GALNT17: variants seen among roughly 807,000 people sequenced by gnomAD.
The protein encoded by GALNT17 is polypeptide N-acetylgalactosaminyltransferase 17, also known as UDP-GalNAc:polypeptide N-acetylgalactosaminyltransferase-like 3.
GALNT17 carries 29 observed loss-of-function variants against 63.7 expected under a neutral mutation model. The observed-to-expected ratio is 0.46, with a 90% CI of 0.34 to 0.62. The LOEUF (loss-of-function observed/expected upper bound fraction) is 0.62. GALNT17 is among the 20% of genes least tolerant of loss of function. The pLI, the probability that GALNT17 is intolerant of heterozygous loss-of-function variation, is 0.01. For synonymous variants in GALNT17, 305 were observed against 318.3 expected, an observed-to-expected ratio of 0.96 and a Z score of 0.45; for missense variants, 603 against 799.6, an observed-to-expected ratio of 0.75 and a Z score of 2.97.
intron 6 of GALNT17, among the ~76,000 whole-genome samples, chr7:71,652,672 T>C (rs982105304): frequency 2.6e-5 from 4 of 152,236 alleles, no homozygotes; most frequent in African/African-American, 9.6e-5. Flanking sequence ...TTACGTAATT[T>C]ATGCGTTAAA....
intron 1 of GALNT17, among the ~76,000 whole-genome samples, chr7:71,168,522 A>T (rs1391064958): frequency 6.6e-6 from 1 of 152,144 alleles, no homozygotes; most frequent in Non-Finnish European, 1.5e-5. Context: ...CAGTGAACCG[A>T]GATCGCACCA....
chr7:71,527,811 C>T (rs963508184), intron 5 of GALNT17, among the ~76,000 whole-genome samples: 2 of 152,170 alleles, frequency 1.3e-5, no homozygotes, highest in Non-Finnish European at 1.5e-5. Context: ...CGCATATACA[C>T]ACCATACACA....
intron 1 of GALNT17, among the ~76,000 whole-genome samples, chr7:71,262,678 TC>T (rs561699941): frequency 6.8e-6 from 1 of 147,658 alleles, no homozygotes; most frequent in Non-Finnish European, 1.5e-5. Context: ...TTTTTTACTT[TC>T]TTTTTTTTTT....
At chr7:71,384,057 A>G (rs1160511756) in intron 2 of GALNT17, among the ~76,000 whole-genome samples, 1 of 152,138 alleles carries the variant, frequency 6.6e-6, no homozygotes, top group Non-Finnish European at 1.5e-5. Flanking sequence ...TTCCATCAAC[A>G]GTGCACAAGG....
intron 5 of GALNT17, among the ~76,000 whole-genome samples, chr7:71,499,560 G>A (rs932385789): frequency 6.6e-6 from 1 of 152,168 alleles, no homozygotes; most frequent in African/African-American, 2.4e-5. Context: ...TTTCATTAAT[G>A]ATACGATTGT....
chr7:71,464,432 T>C (rs1787502875), intron 5 of GALNT17, among the ~76,000 whole-genome samples: 1 of 152,080 alleles, frequency 6.6e-6, no homozygotes, highest in African/African-American at 2.4e-5. Context: ...AAGAACACGC[T>C]CCTGGTCCCC....
chr7:71,133,182 C>T, intron 1 of GALNT17, 142 bp downstream of exon 1: 4 of 698,018 alleles, frequency 5.7e-6, no homozygotes, highest in South Asian at 2.2e-5. Context: ...CCCTTCCTGC[C>T]CCGTTTCGGG....
intron 5 of GALNT17, among the ~76,000 whole-genome samples, chr7:71,447,785 G>T (rs112506026): frequency 2.0e-5 from 3 of 151,822 alleles, no homozygotes; most frequent in Admixed American, 6.6e-5. Context: ...TCTATATACT[G>T]TTAACTAATT....
chr7:71,187,321 T>C (rs1788869789), intron 1 of GALNT17, among the ~76,000 whole-genome samples: 1 of 150,090 alleles, frequency 6.7e-6, no homozygotes, highest in Non-Finnish European at 1.5e-5. Context: ...GGCGTATTGC[T>C]GTGTTGCCCA....
At chr7:71,376,422 GTTGT>G (rs1563046482) in intron 2 of GALNT17, among the ~76,000 whole-genome samples, 3 of 63,582 alleles carry the variant, frequency 4.7e-5, no homozygotes, top group Non-Finnish European at 8.7e-5. Context: ...AAGGTTTGGA[GTTGT>G]TTTTTTTTTT....
chr7:71,696,225 G>T (rs925086799), intron 9 of GALNT17, among the ~76,000 whole-genome samples: 1 of 152,088 alleles, frequency 6.6e-6, no homozygotes, highest in African/African-American at 2.4e-5. Context: ...TGATCCTCCT[G>T]CCTCAGCCTC....
At chr7:71,564,278 CTTTT>C (rs10539122) in intron 5 of GALNT17, among the ~76,000 whole-genome samples, 1 of 98,012 alleles carries the variant, frequency 1.0e-5, no homozygotes, top group African/African-American at 3.9e-5. Flanking sequence ...CTTTTCTTTT[CTTTT>C]TTTTTTTTTT....
At chr7:71,637,315 A>G (rs1422205329) in intron 6 of GALNT17, among the ~76,000 whole-genome samples, 1 of 152,058 alleles carries the variant, frequency 6.6e-6, no homozygotes, top group Non-Finnish European at 1.5e-5. Flanking sequence ...CCTCCCAAGT[A>G]GCTGGGACTA....
chr7:71,533,458 C>T (rs1033481729), intron 5 of GALNT17, among the ~76,000 whole-genome samples: 1 of 152,162 alleles, frequency 6.6e-6, no homozygotes, highest in Admixed American at 6.5e-5. Flanking sequence ...CTCTCATCCT[C>T]AGGAGAGATG....
intron 1 of GALNT17, among the ~76,000 whole-genome samples, chr7:71,239,972 G>A (rs1789964047): frequency 6.6e-6 from 1 of 152,140 alleles, no homozygotes; most frequent in South Asian, 2.1e-4. Context: ...TTACATTTGA[G>A]TCACTGGGAG....
At chr7:71,537,598 T>C (rs916201102) in intron 5 of GALNT17, among the ~76,000 whole-genome samples, 2 of 152,028 alleles carry the variant, frequency 1.3e-5, no homozygotes, top group East Asian at 1.9e-4. Context: ...GATCACTTGA[T>C]GTCAGGAGTT....
At chr7:71,410,848 C>G (rs1043863195) in intron 3 of GALNT17, among the ~76,000 whole-genome samples, 1 of 150,866 alleles carries the variant, frequency 6.6e-6, no homozygotes, top group Non-Finnish European at 1.5e-5. Flanking sequence ...GTTCGCTTCT[C>G]CCCCTCAACC....
chr7:71,319,762 G>A (rs188083385), intron 1 of GALNT17, among the ~76,000 whole-genome samples: 1 of 152,180 alleles, frequency 6.6e-6, no homozygotes, highest in African/African-American at 2.4e-5. Flanking sequence ...AGCCGTACAT[G>A]TATAAGTGAG....
At chr7:71,476,198 C>T (rs1321950808) in intron 5 of GALNT17, among the ~76,000 whole-genome samples, 6 of 152,106 alleles carry the variant, frequency 3.9e-5, no homozygotes, top group East Asian at 1.9e-4. Context: ...CTGCAGTGAA[C>T]CATGATTGTG....
Sources: gnomAD v4.1 joint callset for allele counts (sites outside exome capture counted in the v4.1 genomes callset) on GRCh38, gnomAD v4.1.1 for gene constraint, MANE v1.5 for transcripts, NCBI Gene and HGNC (gene_info 2026-07-23, HGNC 2026-07-21) for gene names.